The following SOD2 variants were observed in gnomAD, a reference collection of about 807,000 sequenced individuals.
SOD2 encodes the protein superoxide dismutase 2.
A neutral mutation model predicts 27.0 loss-of-function variants in SOD2; 11 were observed. That is an observed-to-expected ratio of 0.41 (90% CI 0.26 to 0.67). The LOEUF (loss-of-function observed/expected upper bound fraction) is 0.67. Ranked by LOEUF, SOD2 falls within the 30% of genes least tolerant of loss-of-function variation. The probability of loss-of-function intolerance (pLI) is 0.34; values close to 1 mark genes in which losing one functional copy is unlikely to be tolerated. For missense variants in SOD2, 250 were observed against 274.5 expected (o/e 0.91, Z 0.63); for synonymous variants, 105 against 103.0 (o/e 1.02, Z -0.12).
chr6:159,755,765 CTTTTTTTTT>C, intron 1 of SOD2: 42 of 173,358 alleles, frequency 2.4e-4, no homozygotes, highest in East Asian at 1.6e-3. Flanking sequence ...TTTTTCTTTT[CTTTTTTTTT>C]TTTTTTTTTT....
intron 1 of SOD2, among the ~76,000 whole-genome samples, chr6:159,737,610 G>T (rs1272534851): frequency 1.3e-5 from 2 of 151,662 alleles, no homozygotes; most frequent in African/African-American, 2.4e-5. Flanking sequence ...TCCCACCTTT[G>T]CCCCCCAAAG....
Position 159,672,773 on chromosome 6 carries a change from C to T in SOD2, c.*9720G>A, listed in dbSNP as rs1198094315. The T allele has an allele frequency of 1.3e-5, 2 of 152,024 alleles. No homozygotes were observed. The highest frequency in any genetic ancestry group is 1.3e-4 in the Admixed American group (2 of 15,250). 9.4% of individuals were successfully genotyped at this position (152,024 alleles called of 1,614,324 possible). On this transcript the variant is annotated 3_prime_UTR_variant, in exon 5 of 5. Coordinates refer to ENST00000538183, the MANE Select transcript of SOD2 (RefSeq NM_000636.4). The stretch of plus-strand genomic sequence containing the variant: ...ACCTTAAATGTAAATGGGCTAAATG[C>T]TCCAATTAAAAGACACAGACTGGCA...
intron 4 of SOD2, among the ~76,000 whole-genome samples, chr6:159,683,950 CTT>C (rs1780069439): frequency 6.6e-6 from 1 of 152,214 alleles, no homozygotes; most frequent in East Asian, 1.9e-4. Flanking sequence ...GAAGGTATCA[CTT>C]TAAGTTCAAA....
upstream of SOD2, among the ~76,000 whole-genome samples, chr6:159,695,342 G>A (rs942821496): frequency 6.6e-6 from 1 of 152,146 alleles, no homozygotes; most frequent in Non-Finnish European, 1.5e-5. Context: ...AGCACCAAAC[G>A]TTGGGGGCTG....
chr6:159,717,759 A>G (rs1777947000), intron 1 of SOD2, among the ~76,000 whole-genome samples: 1 of 151,764 alleles, frequency 6.6e-6, no homozygotes, highest in South Asian at 2.1e-4. Flanking sequence ...TCTACTCTCT[A>G]CTTCCATGAG....
exon 1 of SOD2, chr6:159,762,041 G>T (rs777261949): frequency 8.7e-6 from 14 of 1,605,736 alleles, no homozygotes; most frequent in African/African-American, 6.7e-5. Context: ...GAGGAGCTTT[G>T]CCTAGCTTGC....
Position 159,679,363 on chromosome 6 carries a change from C to A in SOD2, c.*3130G>T, listed in dbSNP as rs1562412691. The A allele has an allele frequency of 6.6e-6, 1 of 152,274 alleles. No homozygotes were observed. The highest frequency in any genetic ancestry group is 1.5e-5 in the Non-Finnish European group (1 of 68,016). The allele number at this position is 152,274 out of a possible 1,614,324, so 9.4% of individuals were successfully genotyped here. ...ATAATAGCTTTCCCAAACAGTACTTCCCCTGGAATTAAAACAGGAAATACA... is the reference window on the plus strand; with the variant it reads ...ATAATAGCTTTCCCAAACAGTACTTACCCTGGAATTAAAACAGGAAATACA... On this transcript the variant is annotated 3_prime_UTR_variant, in exon 5 of 5. Transcript: ENST00000538183.
At chr6:159,693,328 G>GC (rs1179283966), upstream of SOD2, 1,416 of 202,350 alleles carry the variant, frequency 7.0e-3, 2 homozygotes, top group East Asian at 0.013. Context: ...CCGCCGCCCC[G>GC]CCCCCCCCCC....
At chr6:159,740,476 T>C (rs906850750) in intron 1 of SOD2, among the ~76,000 whole-genome samples, 5 of 152,176 alleles carry the variant, frequency 3.3e-5, no homozygotes, top group Non-Finnish European at 2.9e-5. Flanking sequence ...ATCCTTGTGA[T>C]ATACATGTTC....
rs1001770772 is a variant in SOD2, at chr6:159,681,829, G to A, written c.*664C>T. 1 of 152,094 alleles carries A rather than the reference G, an allele frequency of 6.6e-6. No individual in the cohort carries two copies. Among genetic ancestry groups the A allele is most frequent in the Non-Finnish European group, 1.5e-5 (1 of 68,026 alleles). 9.4% of individuals were successfully genotyped at this position (152,094 alleles called of 1,614,324 possible). On this transcript the variant is annotated 3_prime_UTR_variant, in exon 5 of 5. Coordinates refer to ENST00000538183, the MANE Select transcript of SOD2 (RefSeq NM_000636.4). Reference sequence around the variant, plus strand: ...AGCTGCCCAATTCTCCTTGCTTGGCGCCCTGCAAATAAACATCCTCCTTTC... The same window carrying A: ...AGCTGCCCAATTCTCCTTGCTTGGCACCCTGCAAATAAACATCCTCCTTTC...
upstream of SOD2, among the ~76,000 whole-genome samples, chr6:159,695,068 G>A (rs2114800424): frequency 6.6e-6 from 1 of 152,304 alleles, no homozygotes; most frequent in East Asian, 1.9e-4. Context: ...TAGTTAGGAA[G>A]CTGGTACATT....
chr6:159,712,189 C>T lies in SOD2; in HGVS notation c.-116+14940G>A, dbSNP rs201535543. ...CCATAACCACCTCCACAACCACCACCCACATTGCTCTGATCACCATAACCA... is the reference window on the plus strand; with the variant it reads ...CCATAACCACCTCCACAACCACCACTCACATTGCTCTGATCACCATAACCA... On this transcript the variant is annotated intron_variant, in intron 1 of 2. Coordinates refer to the SOD2 transcript ENST00000401980. 6.5e-3 allele frequency among the ~76,000 whole-genome samples: 329 copies of T among 50,660 alleles called. 1 individual carries two copies. The highest frequency in any genetic ancestry group is 0.012 in the South Asian group (10 of 842). 33.2% of individuals were successfully genotyped at this position (50,660 alleles called of 152,430 possible).
At chr6:159,734,222 C>T (rs759330401) in intron 1 of SOD2, among the ~76,000 whole-genome samples, 34 of 151,958 alleles carry the variant, frequency 2.2e-4, no homozygotes, top group Non-Finnish European at 2.8e-4. Context: ...CCACATTGCC[C>T]GGGCTCGGTT....
chr6:159,758,429 T>C (rs111940825), intron 1 of SOD2, among the ~76,000 whole-genome samples: 2 of 152,174 alleles, frequency 1.3e-5, no homozygotes, highest in African/African-American at 2.4e-5. Context: ...CTCAGGTGTA[T>C]TGGATACAAC....
At position 159,713,124 on chromosome 6, in the gene SOD2, G is replaced by A. The variant is rs144213952; in HGVS notation, c.-116+14005C>T. 1.1e-4 allele frequency: 117 copies of A among 1,059,040 alleles called. No homozygotes were observed. In the African/African-American group the frequency reaches 1.1e-3, roughly 10 times the overall value. 65.6% of individuals were successfully genotyped at this position (1,059,040 alleles called of 1,614,324 possible). On this transcript the variant is annotated intron_variant, in intron 1 of 2. Coordinates refer to the SOD2 transcript ENST00000401980. ...GCTCTGTAAGGTAAACCCCTCGTGT[G>A]TACACAGTGCCCTGTGGTGCTCTGG...
At chr6:159,712,409 T>A (rs1479171639) in intron 1 of SOD2, among the ~76,000 whole-genome samples, 28 of 81,746 alleles carry the variant, frequency 3.4e-4, no homozygotes, top group South Asian at 2.5e-3. Flanking sequence ...CACACTGCTC[T>A]GATCACCATA....
intron 1 of SOD2, among the ~76,000 whole-genome samples, chr6:159,722,022 G>C (rs1008872037): frequency 7.3e-5 from 11 of 151,138 alleles, no homozygotes; most frequent in Admixed American, 2.6e-4. Context: ...CTATAGTAAA[G>C]AAGAGTTTTT....
At position 159,680,812 on chromosome 6, in the gene SOD2, T is replaced by C. The variant is rs5746145; in HGVS notation, c.*1681A>G. The C allele has an allele frequency of 6.6e-6, 1 of 151,870 alleles. No homozygotes were observed. Among genetic ancestry groups the C allele is most frequent in the Non-Finnish European group, 1.5e-5 (1 of 68,022 alleles). 9.4% of individuals were successfully genotyped at this position (151,870 alleles called of 1,614,324 possible). The stretch of plus-strand genomic sequence containing the variant: ...GTAGCCAGGCATGGTAGCATGCACC[T>C]GTAATCCCAGCTATTCAGGAGGCTG... On this transcript the variant is annotated 3_prime_UTR_variant, in exon 5 of 5. Transcript: ENST00000538183.
intron 1 of SOD2, among the ~76,000 whole-genome samples, chr6:159,719,226 T>C (rs1777981966): frequency 6.6e-6 from 1 of 151,936 alleles, no homozygotes; most frequent in African/African-American, 2.4e-5. Flanking sequence ...TTTCACCACA[T>C]AAGAGATAAG....
Sources: allele counts gnomAD v4.1 joint callset (sites outside exome capture counted in the v4.1 genomes callset), GRCh38; gene constraint gnomAD v4.1.1; transcripts MANE v1.5; gene names NCBI Gene and HGNC (gene_info 2026-07-23, HGNC 2026-07-21).